The following NEO1 variants were observed in gnomAD, a reference collection of about 807,000 sequenced individuals.
NEO1 encodes the protein neogenin 1, also known as neogenin.
NEO1 carries 63 observed loss-of-function variants against 159.7 expected under a neutral mutation model. The observed-to-expected ratio is 0.39, with a 90% CI of 0.32 to 0.49. The LOEUF (loss-of-function observed/expected upper bound fraction) is 0.49. Ranked by LOEUF, NEO1 falls within the 20% of genes least tolerant of loss-of-function variation. The probability of loss-of-function intolerance (pLI) is 0.85; values close to 1 mark genes in which losing one functional copy is unlikely to be tolerated. For missense variants in NEO1, 1,615 were observed against 1,831.0 expected, an observed-to-expected ratio of 0.88 and a Z score of 2.15; for synonymous variants, 633 against 662.0, an observed-to-expected ratio of 0.96 and a Z score of 0.67.
chr15:73,226,656 T>G (rs891907498), intron 7 of NEO1, among the ~76,000 whole-genome samples: 12 of 152,232 alleles, frequency 7.9e-5, no homozygotes, highest in Non-Finnish European at 1.3e-4. Context: ...ACACTGTTAC[T>G]ATGTTTGGAG....
intron 8 of NEO1, among the ~76,000 whole-genome samples, chr15:73,242,532 G>A (rs751128172): frequency 2.6e-5 from 4 of 152,076 alleles, no homozygotes; most frequent in Non-Finnish European, 5.9e-5. Context: ...GCCGGGCGTG[G>A]TGGTGTGCAC....
chr15:73,241,909 T>G (rs2039504889), intron 8 of NEO1, among the ~76,000 whole-genome samples: 1 of 152,180 alleles, frequency 6.6e-6, no homozygotes, highest in Non-Finnish European at 1.5e-5. Context: ...ATTTTTTCCC[T>G]TTCACATAGA....
chr15:73,063,395 C>T lies in NEO1; in HGVS notation c.130+10590C>T, dbSNP rs189652599. 3.0e-4 allele frequency among the ~76,000 whole-genome samples: 46 copies of T among 151,718 alleles called. 1 individual carries two copies. Among genetic ancestry groups the T allele is most frequent in the Admixed American group, 2.4e-3 (37 of 15,212 alleles). On this transcript the variant is annotated intron_variant, in intron 1 of 28. Coordinates refer to ENST00000261908, the MANE Select transcript of NEO1 (RefSeq NM_002499.4). ...ATGGAATGTAAACTGTTATTATTGT[C>T]GTTTTTATTATTGTATACTAGATGG...
At chr15:73,110,842 A>C (rs2151574957) in intron 1 of NEO1, among the ~76,000 whole-genome samples, 1 of 152,298 alleles carries the variant, frequency 6.6e-6, no homozygotes, top group Non-Finnish European at 1.5e-5. Flanking sequence ...GTTTTTATAC[A>C]AAGTCAGCTA....
At chr15:73,256,158 C>G (rs955250307) in intron 13 of NEO1, 3 of 152,144 alleles carry the variant, frequency 2.0e-5, no homozygotes, top group Non-Finnish European at 2.9e-5. Flanking sequence ...TTTCCTGTGA[C>G]CCCAGGGACA....
chr15:73,178,826 C>G (rs2035434080), intron 7 of NEO1, among the ~76,000 whole-genome samples: 1 of 152,024 alleles, frequency 6.6e-6, no homozygotes, highest in Non-Finnish European at 1.5e-5. Flanking sequence ...ACTTTGGAAG[C>G]AGAGCTCATT....
chr15:73,298,854 G>C (rs1023225345), intron 27 of NEO1, among the ~76,000 whole-genome samples: 1 of 152,182 alleles, frequency 6.6e-6, no homozygotes, highest in Admixed American at 6.5e-5. Context: ...CTGACCTTTT[G>C]AATTGTGTTT....
intron 25 of NEO1, among the ~76,000 whole-genome samples, chr15:73,292,532 C>A (rs2042199757): frequency 6.6e-6 from 1 of 152,194 alleles, no homozygotes; most frequent in African/African-American, 2.4e-5. Flanking sequence ...TATCTGTTTC[C>A]ATCTCAGATG....
intron 16 of NEO1, 103 bp downstream of exon 16, chr15:73,266,514 A>G (rs2040907460): frequency 1.3e-6 from 1 of 775,594 alleles, no homozygotes; most frequent in Non-Finnish European, 1.9e-6. Flanking sequence ...GAAAAAGCAT[A>G]TGGCAGTTTC....
At chr15:73,226,109 CT>C (rs889315184) in intron 7 of NEO1, among the ~76,000 whole-genome samples, 29 of 152,216 alleles carry the variant, frequency 1.9e-4, no homozygotes, top group African/African-American at 7.0e-4. Flanking sequence ...CCCTTTCCCA[CT>C]TCCACAGTTG....
chr15:73,136,579 A>G (rs2031787920), intron 5 of NEO1, among the ~76,000 whole-genome samples: 1 of 152,130 alleles, frequency 6.6e-6, no homozygotes, highest in Non-Finnish European at 1.5e-5. Flanking sequence ...GCCTCTCAAT[A>G]TAACTTGGTT....
chr15:73,122,471 A>T, intron 2 of NEO1, 54 bp from the exon 3 acceptor site: 1 of 1,539,394 alleles, frequency 6.5e-7, no homozygotes, highest in Non-Finnish European at 8.8e-7. Context: ...CCAAGACAAA[A>T]TTTTAAAGTA....
Position 73,253,395 on chromosome 15 carries a change from T to C in NEO1, c.1895-5T>C. The C allele has an allele frequency of 6.5e-7, 1 of 1,546,404 alleles. No homozygotes were observed. The highest frequency in any genetic ancestry group is 8.8e-7 in the Non-Finnish European group (1 of 1,142,058). On this transcript the variant is annotated splice_region_variant and splice_polypyrimidine_tract_variant and intron_variant, in intron 11 of 28. Coordinates refer to ENST00000261908, the MANE Select transcript of NEO1 (RefSeq NM_002499.4). ...AAAATTTTTTTTTTTTTTTTGTTTC[T>C]CTAGTTCCCAGTGCTGCTCCTCAGA...
intron 7 of NEO1, among the ~76,000 whole-genome samples, chr15:73,179,820 C>G (rs1374577341): frequency 6.6e-6 from 1 of 151,480 alleles, no homozygotes; most frequent in Non-Finnish European, 1.5e-5. Flanking sequence ...CTTTCTGTGT[C>G]AACAGTTGAT....
chr15:73,251,803 A>G (rs1010559716), intron 11 of NEO1, among the ~76,000 whole-genome samples: 6 of 152,204 alleles, frequency 3.9e-5, no homozygotes, highest in African/African-American at 1.4e-4. Context: ...GGTGAAACAA[A>G]TATCTTGGAC....
intron 3 of NEO1, 45 bp from the exon 4 acceptor site, chr15:73,126,372 T>G: frequency 3.3e-6 from 5 of 1,523,482 alleles, no homozygotes; most frequent in Non-Finnish European, 4.4e-6. Context: ...GTCCAGCCTG[T>G]TTTGTCCTTT....
intron 25 of NEO1, among the ~76,000 whole-genome samples, chr15:73,290,593 T>G (rs2042128534): frequency 6.6e-6 from 1 of 152,194 alleles, no homozygotes. Context: ...TTGATAAGCA[T>G]AAAGGTTTCT....
At chr15:73,090,290 G>A (rs964987741) in intron 1 of NEO1, among the ~76,000 whole-genome samples, 1 of 152,076 alleles carries the variant, frequency 6.6e-6, no homozygotes, top group Non-Finnish European at 1.5e-5. Context: ...CGTCTCCTGG[G>A]TTCATGGGAT....
chr15:73,256,319 G>A (rs2040347177), intron 13 of NEO1, among the ~76,000 whole-genome samples: 1 of 152,062 alleles, frequency 6.6e-6, no homozygotes, highest in African/African-American at 2.4e-5. Context: ...GGCCAACATG[G>A]TGAAACCCCG....
Sources: gnomAD v4.1 joint callset for allele counts (sites outside exome capture counted in the v4.1 genomes callset) on GRCh38, gnomAD v4.1.1 for gene constraint, MANE v1.5 for transcripts, NCBI Gene and HGNC (gene_info 2026-07-23, HGNC 2026-07-21) for gene names.